Variants in ZNF431 observed in about 807,000 individuals in gnomAD.
ZNF431 encodes the protein zinc finger protein 431.
ZNF431 carries 34 observed loss-of-function variants against 57.0 expected under a neutral mutation model. The ratio of observed to expected loss-of-function variants is 0.60; its 90% CI spans 0.45 to 0.79. The LOEUF (loss-of-function observed/expected upper bound fraction) is 0.79. Ranked by LOEUF, ZNF431 falls within the 30% of genes least tolerant of loss-of-function variation. ZNF431 has a pLI of 0.00. For missense variants in ZNF431, 607 were observed against 667.1 expected (o/e 0.91, Z 0.99); for synonymous variants, 207 against 220.3 (o/e 0.94, Z 0.54).
At chr19:21,172,256 C>G (rs139630546) in intron 4 of ZNF431, among the ~76,000 whole-genome samples, 6,666 of 151,286 alleles carry the variant, frequency 0.044, 213 homozygotes, top group Non-Finnish European at 0.075. Context: ...TGGTGAAACC[C>G]TGTCTCTACT....
In ZNF431 at chr19:21,192,941, A is replaced by G. The variant is rs1971535713; in HGVS notation, c.*8907A>G. On this transcript the variant is annotated 3_prime_UTR_variant, in exon 5 of 5. Coordinates refer to ENST00000311048, the MANE Select transcript of ZNF431 (RefSeq NM_133473.4). ...GTCAGAGACTACTATGAACATCTCT[A>G]TGCCTGCAAAATAGAAAATTTGGAG... 6.6e-6 allele frequency: 1 copy of G among 152,230 alleles called. No individual in the cohort carries two copies. The highest frequency in any genetic ancestry group is 2.4e-5 in the African/African-American group (1 of 41,456). The allele number at this position is 152,230 out of a possible 1,614,324, so 9.4% of individuals were successfully genotyped here.
Position 21,142,045 on chromosome 19 carries a change from T to C in ZNF431, c.-139T>C, listed in dbSNP as rs1288801370. 9.5e-6 allele frequency: 11 copies of C among 1,152,150 alleles called. No individual in the cohort carries two copies. The highest frequency in any genetic ancestry group is 1.4e-5 in the Non-Finnish European group (11 of 790,854). The allele number at this position is 1,152,150 out of a possible 1,614,324, so 71.4% of individuals were successfully genotyped here. ...CGGGATGTGGCGGGGCCTTTGTCTCTCGCCGCAGCCTGAGCTCCAGGTCTC... is the reference window on the plus strand; with the variant it reads ...CGGGATGTGGCGGGGCCTTTGTCTCCCGCCGCAGCCTGAGCTCCAGGTCTC... On this transcript the variant is annotated 5_prime_UTR_variant, in exon 1 of 5. Transcript: ENST00000311048.
chr19:21,169,909 A>G, intron 4 of ZNF431: 1 of 398,560 alleles, frequency 2.5e-6, no homozygotes, highest in Non-Finnish European at 4.4e-6. Flanking sequence ...GCATGGCTGC[A>G]AATAGGTGTC....
intron 2 of ZNF431, among the ~76,000 whole-genome samples, chr19:21,148,098 T>G (rs551269214): frequency 6.6e-6 from 1 of 151,998 alleles, no homozygotes; most frequent in East Asian, 1.9e-4. Flanking sequence ...TGGGTTCAAG[T>G]GATTCTCCTG....
chr19:21,169,395 A>G (rs979996391), intron 4 of ZNF431, among the ~76,000 whole-genome samples: 4 of 152,206 alleles, frequency 2.6e-5, no homozygotes, highest in Non-Finnish European at 5.9e-5. Context: ...CAATGGGCGC[A>G]ATATAGTTTT....
Position 21,195,065 on chromosome 19 carries a change from C to T in ZNF431, c.*11031C>T, listed in dbSNP as rs1971580021. On this transcript the variant is annotated 3_prime_UTR_variant, in exon 5 of 5. Coordinates refer to ENST00000311048, the MANE Select transcript of ZNF431 (RefSeq NM_133473.4). ...GGTTGGGAATAACAACATTTGCAGG[C>T]TCATGAGAGCTGCCTGACAAAAAGC... The T allele has an allele frequency of 6.6e-6, 1 of 152,172 alleles. No homozygotes were observed. The highest frequency in any genetic ancestry group is 1.5e-5 in the Non-Finnish European group (1 of 68,044). The allele number at this position is 152,172 out of a possible 1,614,324, so 9.4% of individuals were successfully genotyped here.
rs924682561 is a variant in ZNF431, at chr19:21,190,582, C to T, written c.*6548C>T. ...TGGCTTGTCTTTTTGTGATAATAGT[C>T]AACATTGAGCATTTAAAAATATATC... On this transcript the variant is annotated 3_prime_UTR_variant, in exon 5 of 5. Coordinates refer to ENST00000311048, the MANE Select transcript of ZNF431 (RefSeq NM_133473.4). 1 of 150,590 alleles carries T rather than the reference C, an allele frequency of 6.6e-6. No homozygotes were observed. The highest frequency in any genetic ancestry group is 1.5e-5 in the Non-Finnish European group (1 of 67,796). 9.3% of individuals were successfully genotyped at this position (150,590 alleles called of 1,614,324 possible).
intron 2 of ZNF431, among the ~76,000 whole-genome samples, chr19:21,145,349 G>T (rs1663108050): frequency 6.6e-6 from 1 of 152,172 alleles, no homozygotes; most frequent in South Asian, 2.1e-4. Context: ...AGTGGTGGGC[G>T]CCTGTAGTCC....
chr19:21,182,746 C>G lies in ZNF431; in HGVS notation c.443C>G (p.Ser148Cys). The change falls in exon 5 of 5, where the codon TCC becomes TGC. Residue 148 changes from serine to cysteine, a missense_variant. Coordinates refer to ENST00000311048, the MANE Select transcript of ZNF431 (RefSeq NM_133473.4). ...EHENLQLRKG[S>C]ASVDEYKVHK... ...GAGAATTTACAGTTAAGAAAAGGCT[C>G]CGCAAGTGTAGATGAGTATAAGGTG... 18 of 1,613,902 alleles carry G rather than the reference C, an allele frequency of 1.1e-5. No individual in the cohort carries two copies. The highest frequency in any genetic ancestry group is 1.5e-5 in the Non-Finnish European group (18 of 1,179,888).
intron 2 of ZNF431, among the ~76,000 whole-genome samples, chr19:21,156,711 T>A (rs1160906704): frequency 6.6e-6 from 1 of 151,486 alleles, no homozygotes; most frequent in Non-Finnish European, 1.5e-5. Flanking sequence ...TTTTTTTTAA[T>A]GGCCACATAA....
chr19:21,165,286 A>G (rs962540895), intron 2 of ZNF431, among the ~76,000 whole-genome samples: 1 of 152,140 alleles, frequency 6.6e-6, no homozygotes, highest in Non-Finnish European at 1.5e-5. Context: ...CTTAGTAAAG[A>G]TGGAGAACAT....
In ZNF431 at chr19:21,188,690, T is replaced by C. The variant is rs1971436831; in HGVS notation, c.*4656T>C. 6.6e-6 allele frequency: 1 copy of C among 152,190 alleles called. No homozygotes were observed. The highest frequency in any genetic ancestry group is 1.5e-5 in the Non-Finnish European group (1 of 68,022). The allele number at this position is 152,190 out of a possible 1,614,324, so 9.4% of individuals were successfully genotyped here. A position where few individuals can be genotyped will look rare whatever the true frequency, so the allele number is the denominator to read the frequency against. On this transcript the variant is annotated 3_prime_UTR_variant, in exon 5 of 5. Transcript: ENST00000311048. Reference sequence around the variant, plus strand: ...TTTTAGTCACCAAACTGTAGCCAACTCTTGGGTCATTTTCTCTGAAAAACA... The same window carrying C: ...TTTTAGTCACCAAACTGTAGCCAACCCTTGGGTCATTTTCTCTGAAAAACA...
chr19:21,154,791 T>C (rs1316013479), intron 2 of ZNF431, among the ~76,000 whole-genome samples: 1 of 152,266 alleles, frequency 6.6e-6, no homozygotes, highest in Non-Finnish European at 1.5e-5. Context: ...CATTTTTTCA[T>C]GTATCTGTTG....
chr19:21,159,382 G>A (rs1006708392), intron 2 of ZNF431, among the ~76,000 whole-genome samples: 5 of 151,804 alleles, frequency 3.3e-5, no homozygotes, highest in Non-Finnish European at 2.9e-5. Flanking sequence ...TGTTGTTGTT[G>A]TTGTTGTTGG....
At chr19:21,172,156 C>T (rs1488471762) in intron 4 of ZNF431, among the ~76,000 whole-genome samples, 4 of 151,604 alleles carry the variant, frequency 2.6e-5, no homozygotes, top group Non-Finnish European at 4.4e-5. Flanking sequence ...AGGCCAGTCA[C>T]GGTGGCTCAT....
At chr19:21,178,544 G>A (rs1488962524) in intron 4 of ZNF431, among the ~76,000 whole-genome samples, 1 of 152,038 alleles carries the variant, frequency 6.6e-6, no homozygotes, top group Non-Finnish European at 1.5e-5. Flanking sequence ...GGCCTTTTCC[G>A]CATTTTTGAG....
Position 21,183,758 on chromosome 19 carries a change from A to C in ZNF431, c.1455A>C (p.Lys485Asn). The change falls in exon 5 of 5, where the codon AAA (lysine) becomes AAC (asparagine). Residue 485 changes from lysine to asparagine, a missense_variant. By Grantham distance (94) the Lys-to-Asn change is moderately conservative. Transcript: ENST00000311048. ...TTCACACTGGAGAGAAACCCTACAA[A>C]TGTGAAGAATGTGGCAAAGCTTTTA... ...KRIHTGEKPY[K>N]CEECGKAFNR... 2.5e-6 allele frequency: 4 copies of C among 1,613,976 alleles called. No homozygotes were observed. The highest frequency in any genetic ancestry group is 4.5e-5 in the East Asian group (2 of 44,866).
chr19:21,188,245 C>A lies in ZNF431; in HGVS notation c.*4211C>A. On this transcript the variant is annotated 3_prime_UTR_variant, in exon 5 of 5. Coordinates refer to ENST00000311048, the MANE Select transcript of ZNF431 (RefSeq NM_133473.4). ...TGCACTTCAGCCTGGGCAACAAGAG[C>A]GAAATTCTGTCTAAAAAAAAAAAAA... 1 of 141,594 alleles carries A rather than the reference C, an allele frequency of 7.1e-6. No individual in the cohort carries two copies. Among genetic ancestry groups the A allele is most frequent in the African/African-American group, 2.7e-5 (1 of 37,104 alleles). The allele number at this position is 141,594 out of a possible 1,614,324, so 8.8% of individuals were successfully genotyped here.
intron 4 of ZNF431, among the ~76,000 whole-genome samples, chr19:21,179,018 G>A (rs781595429): frequency 3.3e-5 from 5 of 151,730 alleles, no homozygotes; most frequent in Non-Finnish European, 7.4e-5. Context: ...TTTTTTGTTG[G>A]TAGGCTGTTC....
Sources: gnomAD v4.1 joint callset for allele counts (sites outside exome capture counted in the v4.1 genomes callset) on GRCh38, gnomAD v4.1.1 for gene constraint, MANE v1.5 for transcripts, NCBI Gene and HGNC (gene_info 2026-07-23, HGNC 2026-07-21) for gene names.